AMBRA1: variants seen among roughly 807,000 people sequenced by gnomAD.
AMBRA1 encodes activating molecule in BECN1-regulated autophagy protein 1.
A neutral mutation model predicts 125.4 loss-of-function variants in AMBRA1; 47 were observed. That is an observed-to-expected ratio of 0.37 (90% CI 0.30 to 0.48). The LOEUF (loss-of-function observed/expected upper bound fraction) is 0.48. AMBRA1 is among the 20% of genes least tolerant of loss of function. AMBRA1 has a pLI of 0.99. For synonymous variants in AMBRA1, 626 were observed against 655.5 expected (o/e 0.95, Z 0.69); for missense variants, 1,331 against 1,693.4 (o/e 0.79, Z 3.76).
chr11:46,504,831 T>C (rs1324625430), intron 9 of AMBRA1, among the ~76,000 whole-genome samples: 1 of 152,138 alleles, frequency 6.6e-6, no homozygotes, highest in East Asian at 1.9e-4. Flanking sequence ...AGCAGGACAA[T>C]AAAACTCAGA....
At chr11:46,492,707 C>T (rs1159718060) in intron 11 of AMBRA1, among the ~76,000 whole-genome samples, 4 of 152,168 alleles carry the variant, frequency 2.6e-5, no homozygotes, top group Non-Finnish European at 2.9e-5. Context: ...AACACAGTCA[C>T]GTCATGCCTC....
chr11:46,575,663 C>T (rs1489927018), intron 1 of AMBRA1, among the ~76,000 whole-genome samples: 1 of 151,886 alleles, frequency 6.6e-6, no homozygotes, highest in Non-Finnish European at 1.5e-5. Flanking sequence ...AATACAAGTG[C>T]ACGCCACCAC....
chr11:46,494,006 A>C, intron 10 of AMBRA1, 118 bp downstream of exon 10: 48 of 910,898 alleles, frequency 5.3e-5, no homozygotes, highest in Non-Finnish European at 7.9e-5. Flanking sequence ...GGGCTGGGCT[A>C]TGGGCCCACT....
Position 46,554,622 on chromosome 11 carries a change from C to G in AMBRA1, c.-120-6122G>C, listed in dbSNP as rs761159227. Among the ~76,000 whole-genome samples the G allele has an allele frequency of 1.4e-3, 217 of 152,126 alleles. 5 individuals are homozygous for G. The highest frequency in any genetic ancestry group is 5.4e-4 in the Non-Finnish European group (37 of 68,030). Reference sequence around the variant, plus strand: ...GTTGCTTTAAAAGGATAAGGGACTTCTCTCCTGATATGCTCTTACCAGCCA... The same window carrying G: ...GTTGCTTTAAAAGGATAAGGGACTTGTCTCCTGATATGCTCTTACCAGCCA... On this transcript the variant is annotated intron_variant, in intron 1 of 17. Coordinates refer to ENST00000683756, the MANE Select transcript of AMBRA1 (RefSeq NM_001387011.1).
chr11:46,582,990 A>G (rs1312134900), intron 1 of AMBRA1, among the ~76,000 whole-genome samples: 2 of 152,086 alleles, frequency 1.3e-5, no homozygotes, highest in Non-Finnish European at 2.9e-5. Context: ...CTCACTGCCT[A>G]CTGAAGGAAT....
chr11:46,422,151 T>TG (rs946751584), intron 14 of AMBRA1, among the ~76,000 whole-genome samples: 1 of 152,116 alleles, frequency 6.6e-6, no homozygotes, highest in Non-Finnish European at 1.5e-5. Context: ...GGACCCTCTG[T>TG]GGGGCTGAAT....
At chr11:46,468,577 T>A (rs370093434) in intron 11 of AMBRA1, among the ~76,000 whole-genome samples, 1 of 150,666 alleles carries the variant, frequency 6.6e-6, no homozygotes, top group Non-Finnish European at 1.5e-5. Flanking sequence ...GGTGGGTGCA[T>A]CACAAGGTCA....
intron 11 of AMBRA1, among the ~76,000 whole-genome samples, chr11:46,484,734 G>A (rs1472180590): frequency 2.7e-5 from 4 of 150,886 alleles, no homozygotes; most frequent in East Asian, 3.9e-4. Flanking sequence ...TGCAAGCTCC[G>A]CCTCCCGGAT....
At chr11:46,524,333 G>GT (rs1362128336) in intron 7 of AMBRA1, among the ~76,000 whole-genome samples, 1 of 152,216 alleles carries the variant, frequency 6.6e-6, no homozygotes, top group Non-Finnish European at 1.5e-5. Flanking sequence ...TATGTGACAG[G>GT]TGAAGGCCAG....
chr11:46,425,307 CATTTGTGTGTGTGTGTGTGTGTGT>C (rs1244617571), intron 14 of AMBRA1, among the ~76,000 whole-genome samples: 2 of 111,630 alleles, frequency 1.8e-5, no homozygotes, highest in African/African-American at 6.9e-5. Flanking sequence ...TTGCTTGATC[CATTTGTGTGTGTGTGTGTGTGTGT>C]GTGTGTGTGT....
chr11:46,491,427 G>C (rs757141036), intron 11 of AMBRA1: 13 of 152,088 alleles, frequency 8.5e-5, no homozygotes, highest in Non-Finnish European at 1.5e-4. Context: ...CGAAATATGT[G>C]TAAAGCACGT....
At chr11:46,439,789 A>C (rs1947912111) in intron 12 of AMBRA1, among the ~76,000 whole-genome samples, 1 of 152,244 alleles carries the variant, frequency 6.6e-6, no homozygotes, top group Admixed American at 6.5e-5. Flanking sequence ...CCAGTAACAC[A>C]ACAGAAAAAT....
intron 15 of AMBRA1, among the ~76,000 whole-genome samples, chr11:46,414,078 T>C (rs1021930659): frequency 6.6e-5 from 10 of 152,184 alleles, no homozygotes; most frequent in Non-Finnish European, 5.9e-5. Context: ...GCTGAGACCT[T>C]CCAAGGGCTC....
At chr11:46,403,864 C>T (rs1945877459) in intron 17 of AMBRA1, among the ~76,000 whole-genome samples, 2 of 151,986 alleles carry the variant, frequency 1.3e-5, no homozygotes, top group African/African-American at 4.8e-5. Flanking sequence ...GGGCAGGGCA[C>T]AGAACAGCAA....
chr11:46,504,875 A>C (rs1161755353), intron 9 of AMBRA1, among the ~76,000 whole-genome samples: 1 of 152,238 alleles, frequency 6.6e-6, no homozygotes, highest in Admixed American at 6.5e-5. Flanking sequence ...CTCTAACCTT[A>C]GACATATCTG....
chr11:46,473,821 T>C (rs1232921906), intron 11 of AMBRA1, among the ~76,000 whole-genome samples: 4 of 152,124 alleles, frequency 2.6e-5, no homozygotes, highest in Non-Finnish European at 5.9e-5. Context: ...CGGCTAACTT[T>C]TTGTATTTTT....
In AMBRA1 at chr11:46,400,779, G is replaced by C. The variant is rs571608478; in HGVS notation, c.3404-2836C>G. Among the ~76,000 whole-genome samples, 3 of 152,008 alleles carry C rather than the reference G, an allele frequency of 2.0e-5. No homozygotes were observed. The East Asian group carries it at 5.8e-4, about 29-fold the overall frequency. On this transcript the variant is annotated intron_variant, in intron 17 of 17. Coordinates refer to ENST00000683756, the MANE Select transcript of AMBRA1 (RefSeq NM_001387011.1). Reference sequence around the variant, plus strand: ...TGGGATTACATGGGTGAGTCACTGCGCCCAGCCCCAGTCTTAGACGATCTT... The same window carrying C: ...TGGGATTACATGGGTGAGTCACTGCCCCCAGCCCCAGTCTTAGACGATCTT...
intron 7 of AMBRA1, among the ~76,000 whole-genome samples, chr11:46,516,621 G>A (rs1476117592): frequency 2.0e-5 from 3 of 151,748 alleles, no homozygotes; most frequent in Non-Finnish European, 4.4e-5. Context: ...TTTTAGTAGA[G>A]ACAGGGTTTC....
At chr11:46,534,914 T>G (rs1014746898) in intron 7 of AMBRA1, among the ~76,000 whole-genome samples, 1 of 152,200 alleles carries the variant, frequency 6.6e-6, no homozygotes, top group African/African-American at 2.4e-5. Context: ...GCTCAAACCA[T>G]CTGCCCAACT....
Sources: gnomAD v4.1 joint callset for allele counts (sites outside exome capture counted in the v4.1 genomes callset) on GRCh38, gnomAD v4.1.1 for gene constraint, MANE v1.5 for transcripts, NCBI Gene and HGNC (gene_info 2026-07-23, HGNC 2026-07-21) for gene names.